The following SLC6A12 variants were observed in gnomAD, a reference collection of about 807,000 sequenced individuals.
SLC6A12 encodes the protein solute carrier family 6 member 12, also known as sodium- and chloride-dependent betaine transporter.
Under a neutral mutation model 73.3 loss-of-function variants are expected in SLC6A12, and 50 were observed. The observed-to-expected ratio is 0.68, with a 90% confidence interval of 0.54 to 0.86. The LOEUF is 0.86. Ranked by LOEUF, SLC6A12 falls within the 40% of genes least tolerant of loss-of-function variation. The probability of loss-of-function intolerance (pLI) is 0.00; values close to 1 mark genes in which losing one functional copy is unlikely to be tolerated. For synonymous variants in SLC6A12, 304 were observed against 309.2 expected (o/e 0.98, Z 0.18); for missense variants, 648 against 772.8 (o/e 0.84, Z 1.92).
downstream of SLC6A12, among the ~76,000 whole-genome samples, chr12:186,382 GTAT>G (rs1204808011): frequency 6.6e-6 from 1 of 152,190 alleles, no homozygotes; most frequent in Non-Finnish European, 1.5e-5. Context: ...CCAAGGATAG[GTAT>G]TATCTACTGC....
At chr12:186,884 G>A (rs1259897572), downstream of SLC6A12, among the ~76,000 whole-genome samples, 4 of 152,164 alleles carry the variant, frequency 2.6e-5, no homozygotes, top group East Asian at 7.7e-4. Flanking sequence ...GGAGCCTGTG[G>A]TAACCCTGCT....
intron 3 of SLC6A12, among the ~76,000 whole-genome samples, chr12:206,190 C>T (rs559522514): frequency 2.6e-5 from 4 of 152,204 alleles, no homozygotes; most frequent in South Asian, 2.1e-4. Flanking sequence ...AGAGCTTTTT[C>T]ATCATCCCAG....
intron 15 of SLC6A12, among the ~76,000 whole-genome samples, chr12:191,828 C>A (rs1939613529): frequency 6.6e-6 from 1 of 152,182 alleles, no homozygotes; most frequent in Non-Finnish European, 1.5e-5. Flanking sequence ...AAAGTCTGGT[C>A]CCTAAGGGCC....
Position 206,668 on chromosome 12 carries a change from T to TC in SLC6A12, c.215-1971dup, listed in dbSNP as rs1479074759. Among the ~76,000 whole-genome samples the TC allele has an allele frequency of 4.6e-5, 7 of 152,338 alleles. No homozygotes were observed. The South Asian group carries it at 1.5e-3, about 32-fold the overall frequency. ...AGTAACTCTCCACTGAGTTCCAAAG[T>TC]CCCTTTGAACCCCATGTTTGCCTTT... is the stretch of plus-strand genomic sequence containing the variant. On this transcript the variant is annotated intron_variant, in intron 3 of 15. Coordinates refer to ENST00000684302, the MANE Select transcript of SLC6A12 (RefSeq NM_001122848.3).
chr12:190,724 T>A lies in SLC6A12; in HGVS notation c.*344A>T, dbSNP rs1939555779. ...CTCCCCGTGTACAAATGCAGTACGC[T>A]CTAACAAGAGGCATCCCCACAGTGG... On this transcript the variant is annotated 3_prime_UTR_variant, in exon 16 of 16. Transcript: ENST00000684302. The A allele has an allele frequency of 5.5e-6, 1 of 180,496 alleles. No homozygotes were observed. Among genetic ancestry groups the A allele is most frequent in the Admixed American group, 6.3e-5 (1 of 15,960 alleles). The allele number at this position is 180,496 out of a possible 1,614,324, so 11.2% of individuals were successfully genotyped here.
At position 209,561 on chromosome 12, in the gene SLC6A12, A is replaced by G. The variant is rs538539941; in HGVS notation, c.214+212T>C. 41 of 597,746 alleles carry G rather than the reference A, an allele frequency of 6.9e-5. 1 individual carries two copies. The South Asian group carries it at 7.8e-4, about 11-fold the overall frequency. 37.0% of individuals were successfully genotyped at this position (597,746 alleles called of 1,614,324 possible). Reference sequence around the variant, plus strand: ...TTGGTCCTGCCCATTGCCCAGTTTCATCTTCACCGTCACCCTGGGAGGTAT... The same window carrying G: ...TTGGTCCTGCCCATTGCCCAGTTTCGTCTTCACCGTCACCCTGGGAGGTAT... On this transcript the variant is annotated intron_variant, in intron 3 of 15. Transcript: ENST00000684302.
At chr12:188,113 G>A (rs183961356), downstream of SLC6A12, among the ~76,000 whole-genome samples, 83 of 152,320 alleles carry the variant, frequency 5.4e-4, no homozygotes, top group Non-Finnish European at 1.1e-3. Context: ...GGTTCCGTGC[G>A]CCCGCACTTC....
intron 7 of SLC6A12, 148 bp downstream of exon 7, chr12:200,503 C>T (rs1940197194): frequency 1.0e-5 from 8 of 781,662 alleles, no homozygotes; most frequent in South Asian, 6.4e-5. Context: ...CCTGTGGCTC[C>T]CCCTGTTCTC....
In SLC6A12 at chr12:192,471, C is replaced by T. The variant is rs1291403421; in HGVS notation, c.1701+7G>A. The T allele has an allele frequency of 3.1e-6, 5 of 1,613,544 alleles. No individual in the cohort carries two copies. The highest frequency in any genetic ancestry group is 3.4e-6 in the Non-Finnish European group (4 of 1,179,720). On this transcript the variant is annotated splice_region_variant and intron_variant, in intron 15 of 15. Coordinates refer to ENST00000684302, the MANE Select transcript of SLC6A12 (RefSeq NM_001122848.3). ...TTTAAGAGGTCACTCTCCCCTACAC[C>T]ACCTACCTTCCTGAAAGGACCCCGA...
intron 15 of SLC6A12, among the ~76,000 whole-genome samples, 186 bp from the exon 16 acceptor site, chr12:191,397 T>C (rs532709340): frequency 3.9e-5 from 6 of 152,290 alleles, no homozygotes; most frequent in African/African-American, 1.4e-4. Context: ...TACGAATGAG[T>C]GTGCGCTGCC....
In SLC6A12 at chr12:201,383, G is replaced by A. The variant is rs751241521; in HGVS notation, c.578+379C>T. 3.2e-5 allele frequency: 8 copies of A among 248,880 alleles called. No individual in the cohort carries two copies. In the East Asian group the frequency reaches 4.4e-4, roughly 14 times the overall value. 15.4% of individuals were successfully genotyped at this position (248,880 alleles called of 1,614,324 possible). On this transcript the variant is annotated intron_variant, in intron 6 of 15. Transcript: ENST00000684302. ...CCCATGTCTTGATGTGAGCACTCCCGCCTTGGGCAATTTCAAGCTACTGGC... is the reference window on the plus strand; with the variant it reads ...CCCATGTCTTGATGTGAGCACTCCCACCTTGGGCAATTTCAAGCTACTGGC...
chr12:193,240 G>A (rs1411129543), intron 14 of SLC6A12, 37 bp downstream of exon 14: 2 of 1,424,762 alleles, frequency 1.4e-6, no homozygotes, highest in African/African-American at 1.4e-5. Context: ...TCTTCTGGGG[G>A]CAGGAAGGAA....
intron 15 of SLC6A12, 58 bp from the exon 16 acceptor site, chr12:191,269 C>T: frequency 8.0e-7 from 1 of 1,250,136 alleles, no homozygotes; most frequent in Non-Finnish European, 1.0e-6. Flanking sequence ...CAGAAGGTTC[C>T]TCATGTGTGC....
downstream of SLC6A12, among the ~76,000 whole-genome samples, chr12:187,200 C>T (rs971737584): frequency 6.6e-6 from 1 of 152,118 alleles, no homozygotes; most frequent in Non-Finnish European, 1.5e-5. Flanking sequence ...ACTCAAACAC[C>T]AAAGGAAACG....
intron 3 of SLC6A12, 93 bp from the exon 4 acceptor site, chr12:204,791 C>T: frequency 1.4e-6 from 2 of 1,415,266 alleles, no homozygotes; most frequent in Non-Finnish European, 9.7e-7. Flanking sequence ...AACCCGCCCT[C>T]CACCATCCTG....
chr12:200,343 C>CAA (rs1198464678), intron 7 of SLC6A12, among the ~76,000 whole-genome samples: 3 of 151,716 alleles, frequency 2.0e-5, no homozygotes, highest in Non-Finnish European at 4.4e-5. Context: ...CTCCTGACCT[C>CAA]GTGATCCGCC....
chr12:184,768 AAAT>A, the SLC6A12 span, among the ~76,000 whole-genome samples: 2 of 151,656 alleles, frequency 1.3e-5, no homozygotes, highest in Admixed American at 6.6e-5. Flanking sequence ...ATAAATAAAA[AAAT>A]AAAAATACAA....
downstream of SLC6A12, among the ~76,000 whole-genome samples, chr12:187,619 AAAAAAAAAAAAACAAAC>A (rs1939458291): frequency 5.2e-5 from 2 of 38,520 alleles, no homozygotes; most frequent in Admixed American, 2.4e-4. Flanking sequence ...AAAAAAAAAA[AAAAAAAAAAAAACAAAC>A]CACACACACA....
downstream of SLC6A12, among the ~76,000 whole-genome samples, chr12:187,589 C>CAAAAA (rs761187495): frequency 7.2e-4 from 76 of 106,032 alleles, 5 homozygotes; most frequent in African/African-American, 2.1e-3. Flanking sequence ...TGCAAAAGAG[C>CAAAAA]AAAAAAAAAA....
Sources: allele counts gnomAD v4.1 joint callset (sites outside exome capture counted in the v4.1 genomes callset), GRCh38; gene constraint gnomAD v4.1.1; transcripts MANE v1.5; gene names NCBI Gene and HGNC (gene_info 2026-07-23, HGNC 2026-07-21).